Variants in GPHN observed in about 807,000 individuals in gnomAD.
GPHN encodes gephyrin.
In GPHN, 17 loss-of-function variants were observed where a neutral mutation model predicts 95.5. The observed-to-expected ratio is 0.18, with a 90% confidence interval of 0.12 to 0.27. The LOEUF is 0.27. GPHN is among the 10% of genes least tolerant of loss of function. GPHN has a pLI of 1.00. For synonymous variants in GPHN, 320 were observed against 322.5 expected (o/e 0.99, Z 0.08); for missense variants, 660 against 978.1 (o/e 0.67, Z 4.34).
At chr14:67,206,549 A>G in the GPHN span, among the ~76,000 whole-genome samples, 1 of 152,136 alleles carries the variant, frequency 6.6e-6, no homozygotes, top group Non-Finnish European at 1.5e-5. Context: ...AAAAATTCAC[A>G]TAGTTCTACA....
intron 1 of GPHN, among the ~76,000 whole-genome samples, chr14:66,655,162 G>A (rs1336937931): frequency 6.6e-6 from 1 of 152,076 alleles, no homozygotes; most frequent in Non-Finnish European, 1.5e-5. Flanking sequence ...AATACTCACT[G>A]TAATTTTGAT....
intron 4 of GPHN, among the ~76,000 whole-genome samples, chr14:66,843,898 T>C (rs2062202256): frequency 6.6e-6 from 1 of 152,094 alleles, no homozygotes; most frequent in African/African-American, 2.4e-5. Flanking sequence ...TACATTTATT[T>C]CTTGTGTATG....
chr14:66,864,972 G>T (rs1198384201), intron 4 of GPHN, among the ~76,000 whole-genome samples: 1 of 152,114 alleles, frequency 6.6e-6, no homozygotes, highest in African/African-American at 2.4e-5. Flanking sequence ...CAACAACATG[G>T]ATGAAACTGG....
chr14:67,314,196 G>T, the GPHN span, among the ~76,000 whole-genome samples: 32 of 145,242 alleles, frequency 2.2e-4, no homozygotes, highest in African/African-American at 8.7e-4. Flanking sequence ...AAGAAGAAAA[G>T]GAGGGCATGA....
rs1168607381 is a variant in GPHN, at chr14:66,825,037, A to G, written c.294+471A>G. 3.3e-5 allele frequency among the ~76,000 whole-genome samples: 5 copies of G among 152,336 alleles called. No individual in the cohort carries two copies. The South Asian group carries it at 6.2e-4, about 19-fold the overall frequency. On this transcript the variant is annotated intron_variant, in intron 4 of 22. Transcript: ENST00000478722. ...ATATTTTCCACAATTCTAAATGTGA[A>G]CAGCATTTAAATGCAGAATTTAATG... is the stretch of plus-strand genomic sequence containing the variant.
At chr14:67,607,323 G>A in the GPHN span, among the ~76,000 whole-genome samples, 1 of 152,114 alleles carries the variant, frequency 6.6e-6, no homozygotes, top group African/African-American at 2.4e-5. Flanking sequence ...AAATCAGAAT[G>A]GGCAGTGTGG....
chr14:66,663,532 A>G (rs2065777599), intron 1 of GPHN, among the ~76,000 whole-genome samples: 1 of 152,244 alleles, frequency 6.6e-6, no homozygotes, highest in East Asian at 1.9e-4. Context: ...ACACTGGAGT[A>G]CACAGACAAA....
At chr14:67,241,083 G>A in the GPHN span, 1 of 152,182 alleles carries the variant, frequency 6.6e-6, no homozygotes, top group Admixed American at 6.5e-5. Flanking sequence ...GGGCTCTACC[G>A]GGCCAGCTAG....
chr14:67,408,952 C>T, the GPHN span, among the ~76,000 whole-genome samples: 3 of 151,542 alleles, frequency 2.0e-5, no homozygotes, highest in African/African-American at 4.9e-5. Context: ...ATTGGCCAGG[C>T]GCCTATAATC....
At chr14:67,092,062 A>G (rs2077171477) in intron 12 of GPHN, among the ~76,000 whole-genome samples, 3 of 152,086 alleles carry the variant, frequency 2.0e-5, no homozygotes, top group Admixed American at 2.0e-4. Flanking sequence ...TACAATATGA[A>G]CATCATAATT....
At chr14:66,853,631 G>A (rs1232706431) in intron 4 of GPHN, among the ~76,000 whole-genome samples, 1 of 152,158 alleles carries the variant, frequency 6.6e-6, no homozygotes, top group Non-Finnish European at 1.5e-5. Context: ...ACCAATGGGG[G>A]AAGCACCCCC....
At chr14:66,548,896 T>C (rs946766330) in intron 1 of GPHN, among the ~76,000 whole-genome samples, 2 of 152,200 alleles carry the variant, frequency 1.3e-5, no homozygotes, top group Non-Finnish European at 2.9e-5. Context: ...TTGTATATTA[T>C]ACTTCTGAGG....
At chr14:67,439,566 T>TTTC in the GPHN span, among the ~76,000 whole-genome samples, 2 of 124,264 alleles carry the variant, frequency 1.6e-5, no homozygotes, top group Admixed American at 8.2e-5. Context: ...TCTTTCTTTC[T>TTTC]TTCTTTCTTT....
chr14:67,233,347 G>T, the GPHN span, among the ~76,000 whole-genome samples: 1 of 152,062 alleles, frequency 6.6e-6, no homozygotes, highest in South Asian at 2.1e-4. Context: ...TTACCATGTT[G>T]CCCAGGCTGG....
chr14:67,200,302 C>T, the GPHN span: 91,667 of 670,784 alleles, frequency 0.14, 11,086 homozygotes, highest in East Asian at 0.41. Context: ...CCTCGAGGCC[C>T]GCTTTGGAGC....
chr14:66,792,072 C>A (rs1256181106), intron 3 of GPHN, among the ~76,000 whole-genome samples: 1 of 152,028 alleles, frequency 6.6e-6, no homozygotes, highest in Non-Finnish European at 1.5e-5. Context: ...GGAAATTACC[C>A]CCATGATTCA....
intron 1 of GPHN, among the ~76,000 whole-genome samples, chr14:66,591,236 A>T (rs2061630997): frequency 6.6e-6 from 1 of 152,200 alleles, no homozygotes; most frequent in African/African-American, 2.4e-5. Flanking sequence ...TTCCCTTTGA[A>T]AACTGGCACA....
the GPHN span, chr14:67,562,068 C>T: frequency 1.8e-4 from 284 of 1,608,712 alleles, 1 homozygote; most frequent in Middle Eastern, 3.3e-4. Context: ...GTGTGCAGTA[C>T]GTGTGTTTGG....
chr14:67,258,716 C>A, the GPHN span, among the ~76,000 whole-genome samples: 1 of 152,036 alleles, frequency 6.6e-6, no homozygotes, highest in East Asian at 1.9e-4. Flanking sequence ...GCCACTATGC[C>A]CAGCCTTCAG....
Sources: gnomAD v4.1 joint callset for allele counts (sites outside exome capture counted in the v4.1 genomes callset) on GRCh38, gnomAD v4.1.1 for gene constraint, MANE v1.5 for transcripts, NCBI Gene and HGNC (gene_info 2026-07-23, HGNC 2026-07-21) for gene names.